The following UNC45B variants were observed in gnomAD, a reference collection of about 807,000 sequenced individuals.
The protein encoded by UNC45B is unc-45 myosin chaperone B.
A neutral mutation model predicts 98.7 loss-of-function variants in UNC45B; 78 were observed. That is an observed-to-expected ratio of 0.79 (90% CI 0.66 to 0.95). UNC45B has a LOEUF of 0.95. UNC45B is among the 40% of genes least tolerant of loss of function. The pLI is 0.00. For missense variants in UNC45B, 1,225 were observed against 1,184.9 expected (o/e 1.03, Z -0.50); for synonymous variants, 462 against 480.4 (o/e 0.96, Z 0.50).
At chr17:35,154,550 C>A (rs780225807) in intron 5 of UNC45B, 24 bp from the exon 6 acceptor site, 4 of 1,609,206 alleles carry the variant, frequency 2.5e-6, no homozygotes, top group East Asian at 2.2e-5. Context: ...CCCTCGTAAC[C>A]CTTATTGCCT....
In UNC45B at chr17:35,174,375, G is replaced by A. The variant is rs2092211835; in HGVS notation, c.1958+6G>A. Reference sequence around the variant, plus strand: ...ACCAAGGAGCTGCTGGCCAGGTGGGGCTGCAGTGGGCCAAGGCTTGGAACT... The same window carrying A: ...ACCAAGGAGCTGCTGGCCAGGTGGGACTGCAGTGGGCCAAGGCTTGGAACT... On this transcript the variant is annotated splice_donor_region_variant and intron_variant, in intron 14 of 19. Coordinates refer to ENST00000394570, the MANE Select transcript of UNC45B (RefSeq NM_001267052.2). The A allele has an allele frequency of 1.9e-6, 3 of 1,614,102 alleles. No individual in the cohort carries two copies. The African/African-American group carries it at 4.0e-5, about 22-fold the overall frequency.
At chr17:35,171,613 A>C in intron 13 of UNC45B, 151 bp downstream of exon 13, 1 of 835,556 alleles carries the variant, frequency 1.2e-6, no homozygotes, top group Non-Finnish European at 1.7e-6. Flanking sequence ...TGTTAATGGT[A>C]AACTTTCCCA....
intron 17 of UNC45B, among the ~76,000 whole-genome samples, chr17:35,178,722 G>A (rs920792979): frequency 1.3e-5 from 2 of 152,186 alleles, no homozygotes; most frequent in Non-Finnish European, 2.9e-5. Context: ...TGTATAAGGT[G>A]TAAGGAAGGG....
At chr17:35,165,870 T>C (rs2092135261) in intron 9 of UNC45B, among the ~76,000 whole-genome samples, 1 of 151,230 alleles carries the variant, frequency 6.6e-6, no homozygotes, top group Non-Finnish European at 1.5e-5. Context: ...ACCCAGGAGG[T>C]AGAGGTTGTA....
At chr17:35,166,085 C>CAAAAAAAAAAAAAAAAA (rs1277152297) in intron 9 of UNC45B, among the ~76,000 whole-genome samples, 1 of 16,266 alleles carries the variant, frequency 6.1e-5, no homozygotes, top group Non-Finnish European at 1.0e-4. Flanking sequence ...ACCCTCATCT[C>CAAAAAAAAAAAAAAAAA]TAAAAAAAAA....
rs766076555 is a variant in UNC45B, at chr17:35,152,960, G to A, written c.449G>A (p.Ser150Asn). The change falls in exon 5 of 20, where the codon AGT becomes AAT. Residue 150 changes from serine (S) to asparagine (N), a missense_variant. Coordinates refer to ENST00000394570, the MANE Select transcript of UNC45B (RefSeq NM_001267052.2). ...KMFEILLDEN[S>N]EADKREKAAN... is the part of the protein sequence containing the mutation. Reference sequence around the variant, plus strand: ...TTTGAGATCCTCTTGGATGAAAACAGTGAGGCTGATAAGCGGGAAAAGGTG... The same window carrying A: ...TTTGAGATCCTCTTGGATGAAAACAATGAGGCTGATAAGCGGGAAAAGGTG... 6.2e-7 allele frequency: 1 copy of A among 1,614,062 alleles called. No individual in the cohort carries two copies. The highest frequency in any genetic ancestry group is 8.5e-7 in the Non-Finnish European group (1 of 1,179,984).
intron 8 of UNC45B, among the ~76,000 whole-genome samples, chr17:35,162,182 A>C (rs2092106898): frequency 1.3e-5 from 2 of 152,204 alleles, no homozygotes; most frequent in South Asian, 4.1e-4. Context: ...GGAGAGGGTC[A>C]TGGGAATCTC....
At position 35,171,958 on chromosome 17, in the gene UNC45B, T is replaced by C. The variant is rs142018107; in HGVS notation, c.1830+496T>C. On this transcript the variant is annotated intron_variant, in intron 13 of 19. Transcript: ENST00000394570. ...TGTGTGTGATTTGTTTAAGAATATA[T>C]GCAAGATATTGCCAGCCAATAAAAT... Among the ~76,000 whole-genome samples the C allele has an allele frequency of 5.7e-4, 86 of 152,042 alleles. 1 individual carries two copies. The highest frequency in any genetic ancestry group is 2.0e-3 in the African/African-American group (84 of 41,372).
intron 18 of UNC45B, among the ~76,000 whole-genome samples, chr17:35,182,758 G>T (rs1201877749): frequency 1.3e-5 from 2 of 152,078 alleles, no homozygotes; most frequent in African/African-American, 4.8e-5. Context: ...CTGTGATCTT[G>T]GTCCCCTTTT....
rs765229280 is a variant in UNC45B at position 35,186,484 on chromosome 17, G to A, written c.2715G>A (p.Lys905=). Residue 905 remains lysine, a synonymous_variant, in exon 20 of 20, where the codon AAG becomes AAA. Transcript: ENST00000394570. ...VVGKQEPDEK[K]AEVVQTAREC... is the part of the protein sequence containing the mutation. ...GCAAACAGGAGCCAGATGAGAAGAA[G>A]GCAGAAGTGGTTCAGACAGCCCGAG... The A allele has an allele frequency of 1.5e-5, 24 of 1,614,202 alleles. No individual in the cohort carries two copies. The East Asian group carries it at 5.1e-4, about 34-fold the overall frequency.
At chr17:35,181,511 C>G (rs560249827) in intron 18 of UNC45B, among the ~76,000 whole-genome samples, 1 of 152,334 alleles carries the variant, frequency 6.6e-6, no homozygotes, top group South Asian at 2.1e-4. Flanking sequence ...CGATTAAAGG[C>G]CAGGTATGGT....
At chr17:35,171,600 A>C (rs1302148678) in intron 13 of UNC45B, 138 bp downstream of exon 13, 1 of 937,794 alleles carries the variant, frequency 1.1e-6, no homozygotes, top group Non-Finnish European at 1.5e-6. Flanking sequence ...CATACATTGA[A>C]TATGTTAATG....
intron 9 of UNC45B, among the ~76,000 whole-genome samples, chr17:35,165,696 G>T (rs935110441): frequency 6.6e-6 from 1 of 152,182 alleles, no homozygotes; most frequent in Non-Finnish European, 1.5e-5. Flanking sequence ...CCAGCACTTT[G>T]GGATGCCGAG....
At chr17:35,154,497 T>C (rs774099104) in intron 5 of UNC45B, 77 bp from the exon 6 acceptor site, 727 of 1,406,418 alleles carry the variant, frequency 5.2e-4, no homozygotes, top group Non-Finnish European at 6.6e-4. Context: ...GCACTGGCTC[T>C]TCTTGTACTT....
rs764433081 is a variant in UNC45B, at chr17:35,174,329, A to G, written c.1918A>G (p.Ser640Gly). ...SALACMVKAD[S>G]AILTDQTKEL... ...CCTGGCTTGCATGGTGAAAGCAGATAGTGCCATCCTCACTGACCAGACCAA... is the reference window on the plus strand; with the variant it reads ...CCTGGCTTGCATGGTGAAAGCAGATGGTGCCATCCTCACTGACCAGACCAA... The change falls in exon 14 of 20, where the codon AGT becomes GGT. Residue 640 changes from serine to glycine, a missense_variant. Ser to Gly is a moderately conservative substitution (Grantham distance 56, BLOSUM62 0). Transcript: ENST00000394570. 1 of 1,614,072 alleles carries G rather than the reference A, an allele frequency of 6.2e-7. No individual in the cohort carries two copies. Among genetic ancestry groups the G allele is most frequent in the African/African-American group, 1.3e-5 (1 of 74,926 alleles).
chr17:35,181,644 A>G (rs2092274436), intron 18 of UNC45B, among the ~76,000 whole-genome samples: 1 of 152,128 alleles, frequency 6.6e-6, no homozygotes, highest in South Asian at 2.1e-4. Flanking sequence ...TACAAACATT[A>G]GCCAGGCATG....
At chr17:35,166,769 T>C (rs892271873) in intron 9 of UNC45B, among the ~76,000 whole-genome samples, 1 of 152,148 alleles carries the variant, frequency 6.6e-6, no homozygotes, top group Non-Finnish European at 1.5e-5. Flanking sequence ...CTGAGTCCTC[T>C]TCCCCAGGGG....
Position 35,154,574 on chromosome 17 carries a change from G to A in UNC45B, c.472G>A (p.Ala158Thr). The A allele has an allele frequency of 6.2e-7, 1 of 1,612,268 alleles. No individual in the cohort carries two copies. Among genetic ancestry groups the A allele is most frequent in the Non-Finnish European group, 8.5e-7 (1 of 1,179,350 alleles). Residue 158 changes from alanine (A) to threonine (T), a missense_variant and splice_region_variant, in exon 6 of 20, where the codon GCT becomes ACT. Ala to Thr is a moderately conservative substitution (Grantham distance 58). Coordinates refer to ENST00000394570, the MANE Select transcript of UNC45B (RefSeq NM_001267052.2). ...CCCTTATTGCCTCTTCCTCCTTCAG[G>A]CTGCCAACAATCTCATTGTCCTAGG... Reference protein sequence around the residue: ...ENSEADKREKAANNLIVLGRE... With the variant: ...ENSEADKREKTANNLIVLGRE...
At position 35,183,431 on chromosome 17, in the gene UNC45B, A is replaced by G. The variant is rs763312414; in HGVS notation, c.2378A>G (p.Gln793Arg). Reference sequence around the variant, plus strand: ...CCATGTTCCTGCCTCCCACAGGTACAGGAAAGGTTCTTGGCTGACGGGAAT... The same window carrying G: ...CCATGTTCCTGCCTCCCACAGGTACGGGAAAGGTTCTTGGCTGACGGGAAT... The part of the protein sequence containing the change: ...MCNMVLHKEV[Q>R]ERFLADGNDR... The change falls in exon 19 of 20, where the codon CAG becomes CGG. Residue 793 changes from glutamine (Q) to arginine (R), a missense_variant. Transcript: ENST00000394570. 2.5e-6 allele frequency: 4 copies of G among 1,572,682 alleles called. No individual in the cohort carries two copies. In the South Asian group the frequency reaches 4.7e-5, roughly 19 times the overall value.
Sources: allele counts gnomAD v4.1 joint callset (sites outside exome capture counted in the v4.1 genomes callset), GRCh38; gene constraint gnomAD v4.1.1; transcripts MANE v1.5; gene names NCBI Gene and HGNC (gene_info 2026-07-23, HGNC 2026-07-21).